The following KCNAB1 variants were observed in gnomAD, a reference collection of about 807,000 sequenced individuals.
KCNAB1 encodes the protein potassium voltage-gated channel subfamily A regulatory beta subunit 1, also known as voltage-gated potassium channel subunit beta-1.
KCNAB1 carries 35 observed loss-of-function variants against 64.6 expected under a neutral mutation model. That is an observed-to-expected ratio of 0.54 (90% confidence interval 0.41 to 0.72). The LOEUF (loss-of-function observed/expected upper bound fraction) is 0.72, where lower values mean the gene tolerates loss of function less well. Among genes scored for constraint, KCNAB1 ranks in the 30% least tolerant of loss-of-function variants. KCNAB1 has a pLI of 0.00. For synonymous variants in KCNAB1, 177 were observed against 183.8 expected, an observed-to-expected ratio of 0.96 and a Z score of 0.30; for missense variants, 401 against 512.9, an observed-to-expected ratio of 0.78 and a Z score of 2.11.
chr3:156,416,240 C>T (rs1287641613), intron 1 of KCNAB1, among the ~76,000 whole-genome samples: 1 of 152,194 alleles, frequency 6.6e-6, no homozygotes, highest in Non-Finnish European at 1.5e-5. Flanking sequence ...TTCCATTACT[C>T]CATATTAAGG....
intron 1 of KCNAB1, among the ~76,000 whole-genome samples, chr3:156,284,676 G>A (rs1055568909): frequency 1.1e-4 from 17 of 152,318 alleles, no homozygotes; most frequent in African/African-American, 3.4e-4. Flanking sequence ...GTGATGCGCC[G>A]TTTTTTAAGC....
intron 8 of KCNAB1, among the ~76,000 whole-genome samples, chr3:156,495,195 C>T (rs539191016): frequency 6.6e-5 from 10 of 152,260 alleles, no homozygotes; most frequent in African/African-American, 2.4e-4. Flanking sequence ...CTGCAAAGAA[C>T]ATGATCTCAT....
chr3:156,153,182 A>C (rs917291781), intron 1 of KCNAB1, among the ~76,000 whole-genome samples: 1 of 152,188 alleles, frequency 6.6e-6, no homozygotes, highest in Non-Finnish European at 1.5e-5. Context: ...GTCACAGGGC[A>C]CCACTTCACC....
rs568742614 is a variant in KCNAB1 at position 156,147,578 on chromosome 3, GT to G, written c.275+26694del. On this transcript the variant is annotated intron_variant, in intron 1 of 13. Transcript: ENST00000490337. ...TTTAAGAATGACAGGGCTTCTCCAG[GT>G]TCATGGAATGAAGCAATTGTTTCTA... Among the ~76,000 whole-genome samples, 279 of 152,128 alleles carry G rather than the reference GT, an allele frequency of 1.8e-3. 1 individual carries two copies. The highest frequency in any genetic ancestry group is 2.5e-3 in the Non-Finnish European group (173 of 68,012).
intron 1 of KCNAB1, among the ~76,000 whole-genome samples, chr3:156,390,877 G>C (rs957177406): frequency 1.3e-5 from 2 of 152,094 alleles, no homozygotes; most frequent in African/African-American, 4.8e-5. Flanking sequence ...GAGCCACAGC[G>C]CCCGGCCTTT....
At chr3:156,326,364 G>C (rs2108035317) in intron 1 of KCNAB1, among the ~76,000 whole-genome samples, 1 of 152,246 alleles carries the variant, frequency 6.6e-6, no homozygotes, top group South Asian at 2.1e-4. Context: ...TGTCTAGGCA[G>C]AGTTCTGACC....
intron 1 of KCNAB1, among the ~76,000 whole-genome samples, chr3:156,253,806 A>G (rs1717958084): frequency 6.6e-6 from 1 of 152,216 alleles, no homozygotes; most frequent in South Asian, 2.1e-4. Flanking sequence ...ATTCCAGGGA[A>G]GAGGACCAGG....
intron 1 of KCNAB1, among the ~76,000 whole-genome samples, chr3:156,376,904 G>A (rs1162883805): frequency 1.3e-5 from 2 of 152,304 alleles, no homozygotes; most frequent in African/African-American, 2.4e-5. Context: ...AGATGAGATC[G>A]AGGACACAGG....
At chr3:156,357,160 CACACA>C (rs1725306681) in intron 1 of KCNAB1, among the ~76,000 whole-genome samples, 2 of 84,052 alleles carry the variant, frequency 2.4e-5, no homozygotes, top group Non-Finnish European at 4.6e-5. Context: ...CATGTGCGCG[CACACA>C]CACACACACA....
At chr3:156,504,150 A>G (rs887383674) in intron 8 of KCNAB1, among the ~76,000 whole-genome samples, 3 of 152,184 alleles carry the variant, frequency 2.0e-5, no homozygotes, top group Non-Finnish European at 4.4e-5. Context: ...TATGAGTGAG[A>G]TAAATATGAG....
chr3:156,424,199 C>A (rs1198872061), intron 2 of KCNAB1, among the ~76,000 whole-genome samples: 1 of 151,954 alleles, frequency 6.6e-6, no homozygotes, highest in East Asian at 1.9e-4. Flanking sequence ...GAGAAGTGAG[C>A]TAAAATTTTC....
chr3:156,336,845 AC>A (rs1229340200), intron 1 of KCNAB1, among the ~76,000 whole-genome samples: 1 of 152,238 alleles, frequency 6.6e-6, no homozygotes, highest in East Asian at 1.9e-4. Flanking sequence ...TTCATAAGCA[AC>A]TTTCACACGA....
chr3:156,192,273 G>C (rs1002893444), intron 1 of KCNAB1, among the ~76,000 whole-genome samples: 1 of 151,910 alleles, frequency 6.6e-6, no homozygotes, highest in Admixed American at 6.6e-5. Flanking sequence ...TGATGATTTT[G>C]GGTAGTTTTA....
chr3:156,534,784 T>C (rs1361393383), intron 13 of KCNAB1, among the ~76,000 whole-genome samples: 2 of 152,142 alleles, frequency 1.3e-5, no homozygotes, highest in East Asian at 3.8e-4. Flanking sequence ...TAACATCAAG[T>C]TTGCAAAACT....
chr3:156,224,036 A>G (rs1360735063), intron 1 of KCNAB1, among the ~76,000 whole-genome samples: 5 of 152,230 alleles, frequency 3.3e-5, no homozygotes, highest in Non-Finnish European at 5.9e-5. Flanking sequence ...AGACTCAGGC[A>G]TGGCGGGCTG....
intron 4 of KCNAB1, among the ~76,000 whole-genome samples, chr3:156,458,028 T>C (rs1712579363): frequency 6.6e-6 from 1 of 152,148 alleles, no homozygotes; most frequent in African/African-American, 2.4e-5. Flanking sequence ...GTCCCTACAC[T>C]AGCATTACAG....
chr3:156,219,009 G>A (rs1305060851), intron 1 of KCNAB1, among the ~76,000 whole-genome samples: 1 of 151,402 alleles, frequency 6.6e-6, no homozygotes, highest in African/African-American at 2.4e-5. Flanking sequence ...AAATGAGAAG[G>A]AATCAGAAAA....
intron 1 of KCNAB1, among the ~76,000 whole-genome samples, chr3:156,264,211 TA>T (rs976759290): frequency 1.3e-5 from 2 of 152,156 alleles, no homozygotes; most frequent in Admixed American, 6.5e-5. Flanking sequence ...TTGACAGTAA[TA>T]TAGTTATTGC....
At chr3:156,437,576 C>A (rs1198711002) in intron 2 of KCNAB1, among the ~76,000 whole-genome samples, 1 of 152,062 alleles carries the variant, frequency 6.6e-6, no homozygotes, top group Non-Finnish European at 1.5e-5. Flanking sequence ...GGACTGGTGG[C>A]CCTTGTAATC....
Sources: allele counts gnomAD v4.1 joint callset (sites outside exome capture counted in the v4.1 genomes callset), GRCh38; gene constraint gnomAD v4.1.1; transcripts MANE v1.5; gene names NCBI Gene and HGNC (gene_info 2026-07-23, HGNC 2026-07-21).